GSTZ1: variants seen among roughly 807,000 people sequenced by gnomAD.
The protein encoded by GSTZ1 is maleylacetoacetate isomerase.
Under a neutral mutation model 35.9 loss-of-function variants are expected in GSTZ1, and 34 were observed. That is an observed-to-expected ratio of 0.95 (90% CI 0.72 to 1.26). GSTZ1 has a LOEUF of 1.26. Ranked by LOEUF, GSTZ1 falls within the 50% of genes most tolerant of loss-of-function variation. GSTZ1 has a pLI of 0.00. For missense variants in GSTZ1, 263 were observed against 271.7 expected, an observed-to-expected ratio of 0.97 and a Z score of 0.23; for synonymous variants, 93 against 101.2, an observed-to-expected ratio of 0.92 and a Z score of 0.49.
intron 5 of GSTZ1, chr14:77,328,335 G>T: frequency 2.4e-6 from 1 of 418,778 alleles, no homozygotes. Context: ...CCCAGTCCAG[G>T]CCTCCTGCCT....
Position 77,321,046 on chromosome 14 carries a change from C to G in GSTZ1, c.-123C>G, listed in dbSNP as rs1377358399. On this transcript the variant is annotated 5_prime_UTR_variant, in exon 1 of 9. Coordinates refer to ENST00000216465, the MANE Select transcript of GSTZ1 (RefSeq NM_145870.3). ...ACCGGAAGGATCTTTCTAGTCCAGCCCCTCGCTTTACCCGGACGAAAGACA... is the reference window on the plus strand; with the variant it reads ...ACCGGAAGGATCTTTCTAGTCCAGCGCCTCGCTTTACCCGGACGAAAGACA... 2 of 1,082,614 alleles carry G rather than the reference C, an allele frequency of 1.8e-6. No homozygotes were observed. Among genetic ancestry groups the G allele is most frequent in the Non-Finnish European group, 1.3e-6 (1 of 775,932 alleles). 67.1% of individuals were successfully genotyped at this position (1,082,614 alleles called of 1,614,324 possible).
chr14:77,324,561 C>T, intron 1 of GSTZ1: 1 of 1,525,680 alleles, frequency 6.6e-7, no homozygotes, highest in Non-Finnish European at 8.8e-7. Flanking sequence ...AGAAGCTGTG[C>T]CAGAGGGGAC....
At chr14:77,329,718 G>C in intron 6 of GSTZ1, 37 bp from the exon 7 acceptor site, 1 of 1,571,334 alleles carries the variant, frequency 6.4e-7, no homozygotes, top group South Asian at 1.1e-5. Context: ...TCCCCTCCCT[G>C]CGCCCAGAAT....
chr14:77,328,087 C>G (rs1415887964), intron 5 of GSTZ1, 50 bp downstream of exon 5: 1 of 1,602,896 alleles, frequency 6.2e-7, no homozygotes, highest in African/African-American at 1.3e-5. Flanking sequence ...CACTCTTACA[C>G]TCACACATTG....
chr14:77,325,359 T>C (rs918950366), intron 2 of GSTZ1: 1 of 205,856 alleles, frequency 4.9e-6, no homozygotes, highest in Non-Finnish European at 1.0e-5. Context: ...GGCTAGTCCT[T>C]GTTTGACCCT....
intron 1 of GSTZ1, chr14:77,324,309 A>ATT: frequency 7.0e-6 from 3 of 427,666 alleles, no homozygotes; most frequent in African/African-American, 2.0e-5. Context: ...CACCTGGCTG[A>ATT]TTTTTTTTTG....
At chr14:77,326,746 C>A in intron 2 of GSTZ1, 92 bp from the exon 3 acceptor site, 1 of 876,536 alleles carries the variant, frequency 1.1e-6, no homozygotes, top group Non-Finnish European at 1.8e-6. Context: ...GCCTCCCCCT[C>A]TTTGGCCTTA....
chr14:77,327,882 C>CT, intron 4 of GSTZ1, 30 bp from the exon 5 acceptor site: 1 of 1,612,802 alleles, frequency 6.2e-7, no homozygotes, highest in East Asian at 2.2e-5. Flanking sequence ...CCTGGGCCCT[C>CT]TCCCTGCCTC....
At position 77,328,020 on chromosome 14, in the gene GSTZ1, GGCATCCA is replaced by G; in HGVS notation, c.328_334del (p.Ile110ProfsTer8). ...TATGATTTCTGACCTCATCGCTGGT[GGCATCCA>G]GCCCCTGCAGGTGTGGCACTTGTAC... On this transcript the variant is annotated frameshift_variant, in exon 5 of 9. Coordinates refer to ENST00000216465, the MANE Select transcript of GSTZ1 (RefSeq NM_145870.3). LOFTEE classifies it high-confidence loss of function. 6.2e-7 allele frequency: 1 copy of G among 1,613,946 alleles called. No homozygotes were observed. The highest frequency in any genetic ancestry group is 8.5e-7 in the Non-Finnish European group (1 of 1,179,918).
In GSTZ1 at chr14:77,324,507, A is replaced by G. The variant is rs537562930; in HGVS notation, c.16-363A>G. 6.7e-4 allele frequency: 745 copies of G among 1,111,502 alleles called. 2 individuals are homozygous for G. The highest frequency in any genetic ancestry group is 8.8e-4 in the Non-Finnish European group (671 of 759,230). 68.9% of individuals were successfully genotyped at this position (1,111,502 alleles called of 1,614,324 possible). A position where few individuals can be genotyped will look rare whatever the true frequency, so the allele number is the denominator to read the frequency against. On this transcript the variant is annotated intron_variant, in intron 1 of 8. Transcript: ENST00000216465. ...AATGCCTGGGTAGCCCAGCTTCCCCATTGGCTCCTGAAATCCACCCCTTTA... is the reference window on the plus strand; with the variant it reads ...AATGCCTGGGTAGCCCAGCTTCCCCGTTGGCTCCTGAAATCCACCCCTTTA...
intron 1 of GSTZ1, chr14:77,324,624 T>A: frequency 6.5e-7 from 1 of 1,529,838 alleles, no homozygotes; most frequent in South Asian, 1.2e-5. Flanking sequence ...TCTGGCAAGG[T>A]ATGGAAGGCA....
chr14:77,326,751 GC>G (rs1566673198), intron 2 of GSTZ1, 86 bp from the exon 3 acceptor site: 8 of 922,004 alleles, frequency 8.7e-6, no homozygotes, highest in Non-Finnish European at 1.4e-5. Flanking sequence ...CCCCTCTTTG[GC>G]CTTAATGTCA....
intron 5 of GSTZ1, 199 bp downstream of exon 5, chr14:77,328,236 G>A (rs8177564): frequency 9.1e-5 from 54 of 595,296 alleles, no homozygotes; most frequent in African/African-American, 6.9e-4. Context: ...CCCCCGCTGC[G>A]TTCCGAGAAG....
intron 6 of GSTZ1, 39 bp from the exon 7 acceptor site, chr14:77,329,716 C>T (rs1231531630): frequency 1.3e-6 from 2 of 1,560,804 alleles, no homozygotes; most frequent in African/African-American, 1.4e-5. Context: ...TGTCCCCTCC[C>T]TGCGCCCAGA....
rs8177554 is a variant in GSTZ1 at position 77,324,984 on chromosome 14, G to A, written c.67+63G>A. On this transcript the variant is annotated intron_variant, in intron 2 of 8. Transcript: ENST00000216465. ...GGGGTGGACTGGGGCGGATAAGCCC[G>A]GGTGCAAAGCTGGCCTGGGATGGAA... 567 of 1,388,816 alleles carry A rather than the reference G, an allele frequency of 4.1e-4. 1 individual carries two copies. The East Asian group carries it at 0.011, about 28-fold the overall frequency. 86.0% of individuals were successfully genotyped at this position (1,388,816 alleles called of 1,614,324 possible).
At chr14:77,325,882 C>T (rs994311938) in intron 2 of GSTZ1, 7 of 152,200 alleles carry the variant, frequency 4.6e-5, no homozygotes, top group African/African-American at 1.2e-4. Flanking sequence ...AGCCAGAAGC[C>T]GGAGCAATAT....
intron 2 of GSTZ1, 122 bp from the exon 3 acceptor site, chr14:77,326,716 C>T: frequency 1.5e-6 from 1 of 669,996 alleles, no homozygotes; most frequent in Non-Finnish European, 2.6e-6. Context: ...GAGCCTTGAC[C>T]ACCCAGAAGT....
chr14:77,324,477 C>G, intron 1 of GSTZ1: 9 of 796,386 alleles, frequency 1.1e-5, no homozygotes, highest in Non-Finnish European at 1.9e-5. Context: ...AGTCAAAGTT[C>G]CCCCAATGCC....
At chr14:77,324,998 C>A in intron 2 of GSTZ1, 77 bp downstream of exon 2, 1 of 1,234,558 alleles carries the variant, frequency 8.1e-7, no homozygotes, top group Non-Finnish European at 1.2e-6. Context: ...GCAAAGCTGG[C>A]CTGGGATGGA....
Sources: gnomAD v4.1 joint callset for allele counts on GRCh38, gnomAD v4.1.1 for gene constraint, MANE v1.5 for transcripts, NCBI Gene and HGNC (gene_info 2026-07-23, HGNC 2026-07-21) for gene names.